MARCHF4: variants seen among roughly 807,000 people sequenced by gnomAD.
MARCHF4 encodes the protein membrane associated ring-CH-type finger 4, also known as E3 ubiquitin-protein ligase MARCHF4.
Under a neutral mutation model 43.9 loss-of-function variants are expected in MARCHF4, and 14 were observed. That is an observed-to-expected ratio of 0.32 (90% confidence interval 0.21 to 0.50). MARCHF4 has a LOEUF of 0.50. MARCHF4 is among the 20% of genes least tolerant of loss of function. MARCHF4 has a pLI of 0.98. For missense variants in MARCHF4, 468 were observed against 536.7 expected, an observed-to-expected ratio of 0.87 and a Z score of 1.27; for synonymous variants, 226 against 213.3, an observed-to-expected ratio of 1.06 and a Z score of -0.52.
intron 1 of MARCHF4, among the ~76,000 whole-genome samples, chr2:216,358,112 T>C (rs1400585612): frequency 6.6e-6 from 1 of 152,254 alleles, no homozygotes; most frequent in African/African-American, 2.4e-5. Flanking sequence ...TTTGCATTCA[T>C]TGTATCAGTT....
intron 3 of MARCHF4, among the ~76,000 whole-genome samples, chr2:216,262,734 A>G (rs948817578): frequency 3.9e-5 from 6 of 152,200 alleles, no homozygotes; most frequent in African/African-American, 1.4e-4. Context: ...CCTCAATGCT[A>G]TCACACCAAA....
chr2:216,357,318 TAC>T (rs58783411), intron 1 of MARCHF4, among the ~76,000 whole-genome samples: 2 of 151,538 alleles, frequency 1.3e-5, no homozygotes, highest in African/African-American at 4.8e-5. Context: ...TACACTTTTA[TAC>T]ACACACACAC....
chr2:216,326,147 G>T (rs1455116674), intron 1 of MARCHF4, among the ~76,000 whole-genome samples: 1 of 150,676 alleles, frequency 6.6e-6, no homozygotes, highest in Non-Finnish European at 1.5e-5. Context: ...AAAAGTGGGC[G>T]AAGGACATGA....
intron 1 of MARCHF4, among the ~76,000 whole-genome samples, chr2:216,286,755 G>A (rs993242665): frequency 6.6e-6 from 1 of 152,066 alleles, no homozygotes; most frequent in East Asian, 1.9e-4. Flanking sequence ...AGTGTTTAGG[G>A]CTTCTAAAAA....
At chr2:216,358,565 C>G (rs990178602) in intron 1 of MARCHF4, among the ~76,000 whole-genome samples, 18 of 152,136 alleles carry the variant, frequency 1.2e-4, no homozygotes, top group Non-Finnish European at 2.1e-4. Context: ...ACAACCTCCT[C>G]TTTTTATAAA....
intron 3 of MARCHF4, among the ~76,000 whole-genome samples, chr2:216,275,120 C>G (rs565577267): frequency 1.9e-4 from 29 of 152,300 alleles, no homozygotes; most frequent in African/African-American, 6.7e-4. Context: ...AATGAAAACT[C>G]TCAATATTCA....
chr2:216,362,186 A>G (rs1364509910), intron 1 of MARCHF4, among the ~76,000 whole-genome samples: 1 of 152,192 alleles, frequency 6.6e-6, no homozygotes, highest in Non-Finnish European at 1.5e-5. Flanking sequence ...TTACCAGGAC[A>G]AGAATCATTG....
intron 1 of MARCHF4, among the ~76,000 whole-genome samples, chr2:216,345,315 A>G (rs1176331708): frequency 4.0e-5 from 6 of 151,816 alleles, no homozygotes; most frequent in Non-Finnish European, 7.4e-5. Flanking sequence ...CCCTGCTAAA[A>G]GGCCAAAGAA....
At chr2:216,363,635 C>G (rs190373087) in intron 1 of MARCHF4, among the ~76,000 whole-genome samples, 1 of 152,182 alleles carries the variant, frequency 6.6e-6, no homozygotes, top group Admixed American at 6.5e-5. Flanking sequence ...TTGGAGGTAA[C>G]TGTGCTCCCC....
chr2:216,268,133 C>A (rs758464057), intron 3 of MARCHF4, among the ~76,000 whole-genome samples: 2 of 152,198 alleles, frequency 1.3e-5, no homozygotes, highest in Non-Finnish European at 2.9e-5. Flanking sequence ...GGATGCCCCA[C>A]GGTCACAAGT....
chr2:216,266,655 T>A (rs895061046), intron 3 of MARCHF4, among the ~76,000 whole-genome samples: 13 of 152,260 alleles, frequency 8.5e-5, no homozygotes, highest in African/African-American at 3.1e-4. Flanking sequence ...CTTAGTAGTG[T>A]CTCACTCTGA....
rs774779306 is a variant in MARCHF4, at chr2:216,370,093, G to A, written c.168C>T (p.Arg56=). 7.6e-6 allele frequency: 12 copies of A among 1,583,850 alleles called. No individual in the cohort carries two copies. In the Admixed American group the frequency reaches 1.4e-4, roughly 19 times the overall value. Residue 56 remains arginine, a synonymous_variant, in exon 1 of 4, where the codon CGC becomes CGT. Coordinates refer to ENST00000273067, the MANE Select transcript of MARCHF4 (RefSeq NM_020814.3). ...FNDLKVFLLR[R]PPQAPLPMHG... is the part of the protein sequence containing the mutation. ...GCATGGGCAGGGGCGCTTGAGGAGG[G>A]CGCCGCAGTAAGAAAACCTTCAGGT...
intron 1 of MARCHF4, among the ~76,000 whole-genome samples, chr2:216,291,183 G>A (rs72942684): frequency 0.098 from 14,874 of 152,126 alleles, 963 homozygotes; most frequent in African/African-American, 0.19. Context: ...AGACTGAGAA[G>A]GGAAGCTCAA....
intron 1 of MARCHF4, among the ~76,000 whole-genome samples, chr2:216,290,157 A>T (rs937069817): frequency 6.6e-6 from 1 of 152,220 alleles, no homozygotes; most frequent in African/African-American, 2.4e-5. Flanking sequence ...GGAGAAAAAT[A>T]AGCAGGGAAA....
At position 216,370,758 on chromosome 2, in the gene MARCHF4, T is replaced by G. The variant is rs1293384168; in HGVS notation, c.-498A>C. The G allele has an allele frequency of 6.5e-6, 1 of 152,810 alleles. No homozygotes were observed. Among genetic ancestry groups the G allele is most frequent in the African/African-American group, 2.4e-5 (1 of 41,448 alleles). 9.5% of individuals were successfully genotyped at this position (152,810 alleles called of 1,614,324 possible). A position where few individuals can be genotyped will look rare whatever the true frequency, so the allele number is the denominator to read the frequency against. ...AATTGTAAATCAAATCTGGAGTGGA[T>G]TGAGCTGGGCTTAGAGAAAACTAGC... On this transcript the variant is annotated 5_prime_UTR_variant, in exon 1 of 4. Transcript: ENST00000273067.
intron 1 of MARCHF4, among the ~76,000 whole-genome samples, chr2:216,291,304 G>A (rs953292722): frequency 1.2e-4 from 18 of 152,288 alleles, no homozygotes; most frequent in African/African-American, 3.1e-4. Context: ...AGCATTAACC[G>A]TGGACCTGGC....
At chr2:216,307,713 C>T (rs1020825925) in intron 1 of MARCHF4, among the ~76,000 whole-genome samples, 2 of 152,172 alleles carry the variant, frequency 1.3e-5, no homozygotes, top group African/African-American at 2.4e-5. Flanking sequence ...CGACTGAATA[C>T]AGGTTGAAAC....
At chr2:216,365,718 A>G (rs573464656) in intron 1 of MARCHF4, among the ~76,000 whole-genome samples, 12 of 152,284 alleles carry the variant, frequency 7.9e-5, no homozygotes, top group Admixed American at 3.3e-4. Flanking sequence ...CACCCCGCCC[A>G]CTAGCTGCTT....
intron 1 of MARCHF4, among the ~76,000 whole-genome samples, chr2:216,306,981 C>T (rs112579511): frequency 6.6e-6 from 1 of 151,906 alleles, no homozygotes; most frequent in East Asian, 1.9e-4. Flanking sequence ...CTCTCTCTCA[C>T]ACACACACAC....
Sources: allele counts gnomAD v4.1 joint callset (sites outside exome capture counted in the v4.1 genomes callset), GRCh38; gene constraint gnomAD v4.1.1; transcripts MANE v1.5; gene names NCBI Gene and HGNC (gene_info 2026-07-23, HGNC 2026-07-21).